Variants in C6 observed in about 807,000 individuals in gnomAD.
C6 encodes the protein complement C6, also known as complement component C6.
C6 carries 101 observed loss-of-function variants against 112.9 expected under a neutral mutation model. The ratio of observed to expected loss-of-function variants is 0.89; its 90% CI spans 0.76 to 1.06. The LOEUF (loss-of-function observed/expected upper bound fraction) is 1.06. C6 is among the 50% of genes least tolerant of loss of function. C6 has a pLI of 0.00. For synonymous variants in C6, 431 were observed against 384.1 expected (o/e 1.12, Z -1.43); for missense variants, 1,202 against 1,104.6 (o/e 1.09, Z -1.25).
chr5:41,260,940 T>A (rs753666191), intron 1 of C6, among the ~76,000 whole-genome samples: 20 of 152,152 alleles, frequency 1.3e-4, no homozygotes, highest in Admixed American at 6.5e-5. Flanking sequence ...CAATTAGTAA[T>A]GACAAGATAC....
At chr5:41,225,000 T>C (rs933397638) in intron 1 of C6, among the ~76,000 whole-genome samples, 1 of 152,194 alleles carries the variant, frequency 6.6e-6, no homozygotes, top group African/African-American at 2.4e-5. Context: ...TGTTGAGCAT[T>C]TTGTTTCATG....
chr5:41,197,521 G>A (rs1457655894), intron 4 of C6, among the ~76,000 whole-genome samples: 1 of 152,008 alleles, frequency 6.6e-6, no homozygotes, highest in African/African-American at 2.4e-5. Context: ...TTAAGCAAAG[G>A]TTTATTTTTG....
intron 12 of C6, 23 bp from the exon 13 acceptor site, chr5:41,158,808 T>C: frequency 7.6e-7 from 1 of 1,315,102 alleles, no homozygotes; most frequent in Non-Finnish European, 1.1e-6. Flanking sequence ...CATAAATATG[T>C]GTGTATATGT....
chr5:41,244,727 C>G (rs956326926), intron 1 of C6, among the ~76,000 whole-genome samples: 6 of 150,546 alleles, frequency 4.0e-5, no homozygotes, highest in Admixed American at 6.6e-5. Flanking sequence ...TTTTTTTTTC[C>G]TTTAAATGTG....
chr5:41,153,626 A>C (rs565701883), intron 15 of C6, among the ~76,000 whole-genome samples, 184 bp downstream of exon 15: 46 of 152,358 alleles, frequency 3.0e-4, no homozygotes, highest in African/African-American at 1.1e-3. Flanking sequence ...TAAAGGACGC[A>C]GGATGGCAAT....
intron 1 of C6, among the ~76,000 whole-genome samples, chr5:41,260,595 C>A (rs1435648734): frequency 6.6e-6 from 1 of 151,770 alleles, no homozygotes; most frequent in East Asian, 1.9e-4. Flanking sequence ...CACGGAGAAA[C>A]CCCATCTCTA....
chr5:41,221,710 A>G (rs1460874709), intron 1 of C6, among the ~76,000 whole-genome samples: 1 of 152,230 alleles, frequency 6.6e-6, no homozygotes, highest in Non-Finnish European at 1.5e-5. Flanking sequence ...ATTTGGAATA[A>G]TTATTCAATA....
chr5:41,165,019 C>A (rs557666255), intron 9 of C6, among the ~76,000 whole-genome samples: 1 of 152,118 alleles, frequency 6.6e-6, no homozygotes, highest in Non-Finnish European at 1.5e-5. Context: ...CAAATGCAAA[C>A]GCCAATTGTA....
At chr5:41,194,851 G>A (rs1750486404) in intron 5 of C6, among the ~76,000 whole-genome samples, 1 of 152,154 alleles carries the variant, frequency 6.6e-6, no homozygotes, top group South Asian at 2.1e-4. Context: ...CCCCCAGTGT[G>A]CTCATGATTG....
intron 9 of C6, among the ~76,000 whole-genome samples, chr5:41,165,931 C>T (rs887982110): frequency 7.9e-5 from 12 of 152,144 alleles, no homozygotes; most frequent in Admixed American, 7.2e-4. Context: ...CTATAAATAA[C>T]ATTTTACTTT....
chr5:41,153,259 T>A (rs3805713), intron 15 of C6, among the ~76,000 whole-genome samples: 43,201 of 152,184 alleles, frequency 0.28, 7,094 homozygotes, highest in Non-Finnish European at 0.38. Context: ...ATGTATTTCC[T>A]TTATCTAGCT....
At chr5:41,177,819 G>C (rs1366177129) in intron 7 of C6, among the ~76,000 whole-genome samples, 1 of 152,162 alleles carries the variant, frequency 6.6e-6, no homozygotes, top group African/African-American at 2.4e-5. Context: ...AAGTGAAGAA[G>C]GCAGACAAAG....
intron 1 of C6, among the ~76,000 whole-genome samples, chr5:41,244,529 C>A (rs150844371): frequency 1.3e-5 from 2 of 152,286 alleles, no homozygotes; most frequent in African/African-American, 4.8e-5. Flanking sequence ...AGCTTCTATG[C>A]AACCTAATCT....
intron 1 of C6, chr5:41,213,069 T>A (rs539787322): frequency 6.6e-6 from 1 of 152,304 alleles, no homozygotes; most frequent in African/African-American, 2.4e-5. Context: ...ACCTTTACTA[T>A]CGCCAAGGTA....
chr5:41,254,810 G>A (rs1286195529), intron 1 of C6, among the ~76,000 whole-genome samples: 1 of 152,210 alleles, frequency 6.6e-6, no homozygotes, highest in African/African-American at 2.4e-5. Context: ...TTTACAGGAA[G>A]CACACAGTGA....
rs1580165693 is a variant in C6 at position 41,195,987 on chromosome 5, A to G, written c.446-54T>C. 1.4e-5 allele frequency: 22 copies of G among 1,599,388 alleles called. 1 individual carries two copies. In the East Asian group the frequency reaches 4.0e-4, roughly 29 times the overall value. The stretch of plus-strand genomic sequence containing the variant: ...GCAACAAATTATCATTTTAGAAAGT[A>G]TTTATTAATTTGAAACTCAAATGCT... On this transcript the variant is annotated intron_variant, in intron 4 of 17. Transcript: ENST00000337836.
chr5:41,177,957 G>GCA lies in C6; in HGVS notation c.928-1244_928-1243dup, dbSNP rs1022457838. Among the ~76,000 whole-genome samples the GCA allele has an allele frequency of 2.6e-5, 4 of 152,130 alleles. No individual in the cohort carries two copies. The East Asian group carries it at 5.8e-4, about 22-fold the overall frequency. ...AGAGCCCTTGTGCTTTTAATAAGAA[G>GCA]CACACTCACTCCCTGAGTATCTGAA... is the stretch of plus-strand genomic sequence containing the variant. On this transcript the variant is annotated intron_variant, in intron 7 of 17. Transcript: ENST00000337836.
At chr5:41,175,394 G>C (rs1283952177) in intron 8 of C6, among the ~76,000 whole-genome samples, 4 of 152,182 alleles carry the variant, frequency 2.6e-5, no homozygotes, top group African/African-American at 7.2e-5. Flanking sequence ...TGTATATATG[G>C]ATATGCATGG....
chr5:41,194,713 T>A (rs1241586216), intron 5 of C6, among the ~76,000 whole-genome samples: 1 of 134,868 alleles, frequency 7.4e-6, no homozygotes, highest in Non-Finnish European at 1.7e-5. Flanking sequence ...TAGGAGATTA[T>A]CTTTACTGAT....
Sources: gnomAD v4.1 joint callset for allele counts (sites outside exome capture counted in the v4.1 genomes callset) on GRCh38, gnomAD v4.1.1 for gene constraint, MANE v1.5 for transcripts, NCBI Gene and HGNC (gene_info 2026-07-23, HGNC 2026-07-21) for gene names.